The following PCDH9 variants were observed in gnomAD, a reference collection of about 807,000 sequenced individuals.
The protein encoded by PCDH9 is protocadherin 9, also known as protocadherin-9.
Under a neutral mutation model 70.6 loss-of-function variants are expected in PCDH9, and 24 were observed. That is an observed-to-expected ratio of 0.34 (90% CI 0.25 to 0.48). The LOEUF is 0.48. Among genes scored for constraint, PCDH9 ranks in the 20% least tolerant of loss-of-function variants. PCDH9 has a pLI of 0.99. For synonymous variants in PCDH9, 562 were observed against 558.5 expected, an observed-to-expected ratio of 1.01 and a Z score of -0.09; for missense variants, 1,281 against 1,503.6, an observed-to-expected ratio of 0.85 and a Z score of 2.45.
intron 4 of PCDH9, among the ~76,000 whole-genome samples, chr13:66,585,227 A>G (rs1410562658): frequency 1.3e-5 from 2 of 152,106 alleles, no homozygotes; most frequent in Non-Finnish European, 2.9e-5. Context: ...ATTTTTCTGA[A>G]GAGAATTTTT....
chr13:66,758,325 T>A (rs1338652720), intron 3 of PCDH9, among the ~76,000 whole-genome samples: 3 of 152,052 alleles, frequency 2.0e-5, no homozygotes, highest in Non-Finnish European at 4.4e-5. Flanking sequence ...ATGTATCCTG[T>A]CACTGACATC....
At chr13:67,187,371 G>A (rs2088785358) in intron 2 of PCDH9, among the ~76,000 whole-genome samples, 1 of 152,154 alleles carries the variant, frequency 6.6e-6, no homozygotes, top group African/African-American at 2.4e-5. Context: ...GCACCAAAGT[G>A]TCCGCGAATG....
chr13:66,632,078 A>G lies in PCDH9; in HGVS notation c.3139-667T>C, dbSNP rs540051650. ...CCGGCTGAATTTTTGTGTTTTTAGT[A>G]GAGATGGGGTTTCACCATGTTGGCC... On this transcript the variant is annotated intron_variant, in intron 3 of 4. Coordinates refer to ENST00000377865, the MANE Select transcript of PCDH9 (RefSeq NM_203487.3). Among the ~76,000 whole-genome samples the G allele has an allele frequency of 1.1e-4, 16 of 152,204 alleles. 1 individual carries two copies. In the South Asian group the frequency reaches 3.3e-3, roughly 32 times the overall value.
intron 4 of PCDH9, among the ~76,000 whole-genome samples, chr13:66,399,507 T>C (rs1426973592): frequency 6.6e-6 from 1 of 152,104 alleles, no homozygotes; most frequent in Non-Finnish European, 1.5e-5. Flanking sequence ...TGATACTTGT[T>C]TGGAATTAGA....
chr13:66,479,851 T>C (rs889521730), intron 4 of PCDH9, among the ~76,000 whole-genome samples: 46 of 152,114 alleles, frequency 3.0e-4, no homozygotes, highest in Admixed American at 1.5e-3. Flanking sequence ...CTCTGTAAAA[T>C]AGACCAATCA....
intron 3 of PCDH9, among the ~76,000 whole-genome samples, chr13:66,809,515 A>G (rs565093484): frequency 9.9e-5 from 15 of 152,152 alleles, no homozygotes; most frequent in Non-Finnish European, 1.8e-4. Context: ...CTAGAGATAA[A>G]CTAAATATGG....
intron 4 of PCDH9, among the ~76,000 whole-genome samples, chr13:66,407,540 T>G (rs1378731447): frequency 6.6e-6 from 1 of 152,154 alleles, no homozygotes. Context: ...TAGCTGTAAT[T>G]TCCATGTAGG....
intron 2 of PCDH9, among the ~76,000 whole-genome samples, chr13:66,935,346 A>G (rs1314289589): frequency 1.3e-5 from 2 of 152,120 alleles, no homozygotes; most frequent in Non-Finnish European, 2.9e-5. Flanking sequence ...CTGAGTTTCC[A>G]TTCCTGGCCT....
At chr13:66,536,372 C>T (rs1355745663) in intron 4 of PCDH9, among the ~76,000 whole-genome samples, 1 of 152,000 alleles carries the variant, frequency 6.6e-6, no homozygotes, top group Non-Finnish European at 1.5e-5. Flanking sequence ...CAGGTATTGG[C>T]ATAATCATTT....
At chr13:66,642,744 C>G (rs2077725015) in intron 3 of PCDH9, among the ~76,000 whole-genome samples, 1 of 151,752 alleles carries the variant, frequency 6.6e-6, no homozygotes, top group African/African-American at 2.4e-5. Flanking sequence ...TCTTCAGTAG[C>G]TTAAAAATTA....
At position 66,729,752 on chromosome 13, in the gene PCDH9, T is replaced by C. The variant is rs114658621; in HGVS notation, c.3139-98341A>G. 2.7e-3 allele frequency among the ~76,000 whole-genome samples: 416 copies of C among 152,282 alleles called. 1 individual carries two copies. The highest frequency in any genetic ancestry group is 9.7e-3 in the African/African-American group (405 of 41,566). ...TGCCTAGCTAATTCCTACTGCTTTT[T>C]CAAGGTTAACTCAGAAATAGCTCCT... On this transcript the variant is annotated intron_variant, in intron 3 of 4. Coordinates refer to ENST00000377865, the MANE Select transcript of PCDH9 (RefSeq NM_203487.3).
At chr13:66,806,087 T>C (rs1312709809) in intron 3 of PCDH9, among the ~76,000 whole-genome samples, 1 of 152,190 alleles carries the variant, frequency 6.6e-6, no homozygotes, top group East Asian at 1.9e-4. Context: ...AGAAACCTTA[T>C]GTATATATGT....
At chr13:66,452,414 C>A (rs1958232096) in intron 4 of PCDH9, among the ~76,000 whole-genome samples, 1 of 152,122 alleles carries the variant, frequency 6.6e-6, no homozygotes. Flanking sequence ...TCCCCATAGC[C>A]CAAACTCAAA....
chr13:66,959,871 C>G (rs1353882905), intron 2 of PCDH9, among the ~76,000 whole-genome samples: 1 of 152,038 alleles, frequency 6.6e-6, no homozygotes, highest in African/African-American at 2.4e-5. Flanking sequence ...AACTGGAAAT[C>G]AGCATATTTT....
intron 3 of PCDH9, among the ~76,000 whole-genome samples, chr13:66,849,274 C>T (rs2081268327): frequency 6.6e-6 from 1 of 151,800 alleles, no homozygotes; most frequent in South Asian, 2.1e-4. Context: ...CTTAATTTGG[C>T]AATGCATGTG....
intron 4 of PCDH9, among the ~76,000 whole-genome samples, chr13:66,329,752 G>A (rs969122162): frequency 6.6e-6 from 1 of 152,106 alleles, no homozygotes; most frequent in Admixed American, 6.6e-5. Flanking sequence ...TGTGAAGTTT[G>A]TTTGTAAATG....
intron 3 of PCDH9, among the ~76,000 whole-genome samples, chr13:66,778,277 T>C (rs941850950): frequency 6.6e-6 from 1 of 151,736 alleles, no homozygotes; most frequent in Non-Finnish European, 1.5e-5. Context: ...AAACTTAAAG[T>C]ATAATAATAA....
chr13:66,585,749 CT>C (rs2076954355), intron 4 of PCDH9, among the ~76,000 whole-genome samples: 2 of 151,996 alleles, frequency 1.3e-5, no homozygotes, highest in South Asian at 4.2e-4. Context: ...CTTTTTCTTT[CT>C]TTCTTTCTTT....
chr13:66,841,451 T>TAA (rs2139430073), intron 3 of PCDH9, among the ~76,000 whole-genome samples: 1 of 152,298 alleles, frequency 6.6e-6, no homozygotes, highest in South Asian at 2.1e-4. Flanking sequence ...CTCACATAGT[T>TAA]AAGATCAAGG....
Sources: allele counts gnomAD v4.1 joint callset (sites outside exome capture counted in the v4.1 genomes callset), GRCh38; gene constraint gnomAD v4.1.1; transcripts MANE v1.5; gene names NCBI Gene and HGNC (gene_info 2026-07-23, HGNC 2026-07-21).